The following MLC1 variants were observed in gnomAD, a reference collection of about 807,000 sequenced individuals.
The protein encoded by MLC1 is membrane protein MLC1.
MLC1 carries 32 observed loss-of-function variants against 44.7 expected under a neutral mutation model. The observed-to-expected ratio is 0.72, with a 90% CI of 0.54 to 0.96. MLC1 has a LOEUF of 0.96. Among genes scored for constraint, MLC1 ranks in the 40% least tolerant of loss-of-function variants. MLC1 has a pLI of 0.00. For synonymous variants in MLC1, 190 were observed against 213.0 expected, an observed-to-expected ratio of 0.89 and a Z score of 0.94; for missense variants, 459 against 492.2, an observed-to-expected ratio of 0.93 and a Z score of 0.64.
intron 7 of MLC1, among the ~76,000 whole-genome samples, chr22:50,076,415 C>T (rs1394625219): frequency 2.6e-5 from 4 of 152,184 alleles, no homozygotes; most frequent in East Asian, 3.9e-4. Context: ...ATTAGCCGGG[C>T]GTGGTGGCAT....
intron 9 of MLC1, 104 bp downstream of exon 9, chr22:50,070,423 T>A: frequency 8.7e-7 from 1 of 1,145,238 alleles, no homozygotes; most frequent in Non-Finnish European, 1.3e-6. Flanking sequence ...GTCACTGCGC[T>A]CTCTTGGGCT....
At chr22:50,061,867 C>A (rs1156442654) in intron 11 of MLC1, among the ~76,000 whole-genome samples, 1 of 152,210 alleles carries the variant, frequency 6.6e-6, no homozygotes, top group African/African-American at 2.4e-5. Flanking sequence ...GCATCCCCCC[C>A]CGCACACACG....
intron 10 of MLC1, among the ~76,000 whole-genome samples, chr22:50,065,304 T>C (rs1189906815): frequency 6.6e-6 from 1 of 152,078 alleles, no homozygotes; most frequent in African/African-American, 2.4e-5. Flanking sequence ...ATGGGCCCCA[T>C]GTGGTCTTTG....
intron 8 of MLC1, 96 bp from the exon 9 acceptor site, chr22:50,070,679 C>T: frequency 7.5e-7 from 1 of 1,338,666 alleles, no homozygotes; most frequent in South Asian, 1.3e-5. Context: ...TCCATGCAGG[C>T]TGCCTGGCTG....
intron 5 of MLC1, among the ~76,000 whole-genome samples, chr22:50,078,839 T>G (rs2062046269): frequency 6.6e-6 from 1 of 152,186 alleles, no homozygotes; most frequent in African/African-American, 2.4e-5. Context: ...TCTGTATTTC[T>G]GGTGCTTTGA....
intron 8 of MLC1, among the ~76,000 whole-genome samples, chr22:50,071,696 G>A (rs781171444): frequency 3.9e-5 from 6 of 152,188 alleles, no homozygotes; most frequent in Non-Finnish European, 5.9e-5. Context: ...GGATCTGTAG[G>A]TTCCTCTGTT....
At chr22:50,061,753 G>C in intron 11 of MLC1, 96 bp from the exon 12 acceptor site, 2 of 1,154,516 alleles carry the variant, frequency 1.7e-6, no homozygotes, top group South Asian at 2.5e-5. Flanking sequence ...AGCAGCCAGC[G>C]TTCAGAAGTT....
At chr22:50,080,770 T>C (rs1416065416) in intron 3 of MLC1, among the ~76,000 whole-genome samples, 1 of 152,152 alleles carries the variant, frequency 6.6e-6, no homozygotes, top group Non-Finnish European at 1.5e-5. Flanking sequence ...AGATATTTGT[T>C]AATGAAGGCT....
chr22:50,067,951 G>GA (rs921871568), intron 10 of MLC1, among the ~76,000 whole-genome samples: 116 of 135,058 alleles, frequency 8.6e-4, no homozygotes, highest in African/African-American at 1.6e-3. Flanking sequence ...ACTTATACTG[G>GA]AAAAAAAAAA....
chr22:50,071,516 C>T (rs909483984), intron 8 of MLC1, among the ~76,000 whole-genome samples: 1 of 152,226 alleles, frequency 6.6e-6, no homozygotes, highest in African/African-American at 2.4e-5. Context: ...CTGTCACCTC[C>T]GTTACCTGGT....
intron 10 of MLC1, among the ~76,000 whole-genome samples, chr22:50,067,562 T>C (rs1483473154): frequency 2.4e-5 from 1 of 41,094 alleles, no homozygotes; most frequent in Non-Finnish European, 4.3e-5. Context: ...AGGCAGTGAC[T>C]CCATCCCCCC....
chr22:50,070,468 G>GAT, intron 9 of MLC1, 59 bp downstream of exon 9: 1 of 1,484,664 alleles, frequency 6.7e-7, no homozygotes, highest in Admixed American at 2.0e-5. Flanking sequence ...GGAGGGCTAG[G>GAT]CCAGGCCCTG....
intron 3 of MLC1, among the ~76,000 whole-genome samples, chr22:50,080,821 C>T (rs1255173450): frequency 6.6e-6 from 1 of 152,034 alleles, no homozygotes; most frequent in East Asian, 1.9e-4. Context: ...ATGTAACTCA[C>T]GCAGGCACAA....
chr22:50,071,910 G>A (rs548244720), intron 8 of MLC1, among the ~76,000 whole-genome samples: 1 of 152,304 alleles, frequency 6.6e-6, no homozygotes, highest in African/African-American at 2.4e-5. Context: ...GTGGTGAGAG[G>A]GTGGGCAGGA....
chr22:50,085,068 T>G (rs1307643251), intron 1 of MLC1, 107 bp from the exon 2 acceptor site: 2 of 1,452,494 alleles, frequency 1.4e-6, no homozygotes, highest in African/African-American at 2.9e-5. Flanking sequence ...TGAAGTGCTC[T>G]AAATTTGAAG....
Position 50,070,545 on chromosome 22 carries a change from C to G in MLC1, c.753G>C (p.Glu251Asp). Residue 251 changes from glutamate to aspartate, a missense_variant, in exon 9 of 12, where the codon GAG (glutamate) becomes GAC (aspartate). Coordinates refer to ENST00000311597, the MANE Select transcript of MLC1 (RefSeq NM_015166.4). ...CACCCACCAGACACTTGCTGGGACA[C>G]TCTGCTGCCACATGACTGGCAATGG... ...PSAIASHVAA[E>D]CPSKCLVEVL... is the part of the protein sequence containing the mutation. 1 of 1,564,618 alleles carries G rather than the reference C, an allele frequency of 6.4e-7. No individual in the cohort carries two copies. The highest frequency in any genetic ancestry group is 8.7e-7 in the Non-Finnish European group (1 of 1,153,796).
rs1042136804 is a variant in MLC1, at chr22:50,077,366, A to C, written c.525+35T>G. ...GCTCACCCTGGGGTGATGCCTCTGCACCCCCTGCCCTGCGGGGTCAGAAGC... is the reference window on the plus strand; with the variant it reads ...GCTCACCCTGGGGTGATGCCTCTGCCCCCCCTGCCCTGCGGGGTCAGAAGC... On this transcript the variant is annotated intron_variant, in intron 6 of 11. Transcript: ENST00000311597. The C allele has an allele frequency of 2.5e-6, 4 of 1,589,134 alleles. No individual in the cohort carries two copies. In the South Asian group the frequency reaches 4.4e-5, roughly 18 times the overall value.
chr22:50,066,426 G>A (rs542833644), intron 10 of MLC1, among the ~76,000 whole-genome samples: 19 of 152,286 alleles, frequency 1.2e-4, no homozygotes, highest in Non-Finnish European at 2.4e-4. Context: ...TTGGGAGGCC[G>A]AGACAGGCAG....
At position 50,071,863 on chromosome 22, in the gene MLC1, C is replaced by T. The variant is rs565782473; in HGVS notation, c.715-1280G>A. On this transcript the variant is annotated intron_variant, in intron 8 of 11. Coordinates refer to ENST00000311597, the MANE Select transcript of MLC1 (RefSeq NM_015166.4). The stretch of plus-strand genomic sequence containing the variant: ...GTGTCCAGGTGCCAGCACCCCAGCC[C>T]GGCCTGCTGGGGAGGGGGCTGCATC... Among the ~76,000 whole-genome samples the T allele has an allele frequency of 2.0e-4, 30 of 152,332 alleles. No homozygotes were observed. The South Asian group carries it at 3.3e-3, about 17-fold the overall frequency.
Sources: allele counts gnomAD v4.1 joint callset (sites outside exome capture counted in the v4.1 genomes callset), GRCh38; gene constraint gnomAD v4.1.1; transcripts MANE v1.5; gene names NCBI Gene and HGNC (gene_info 2026-07-23, HGNC 2026-07-21).